The following TBCK variants were observed in gnomAD, a reference collection of about 807,000 sequenced individuals.
TBCK encodes TBC domain-containing protein kinase-like protein.
TBCK carries 99 observed loss-of-function variants against 113.4 expected under a neutral mutation model. The ratio of observed to expected loss-of-function variants is 0.87; its 90% confidence interval spans 0.74 to 1.03. The LOEUF (loss-of-function observed/expected upper bound fraction) is 1.03, where lower values mean the gene tolerates loss of function less well. Among genes scored for constraint, TBCK ranks in the 50% least tolerant of loss-of-function variants. TBCK has a pLI of 0.00. For synonymous variants in TBCK, 369 were observed against 370.8 expected, an observed-to-expected ratio of 1.00 and a Z score of 0.05; for missense variants, 1,045 against 1,061.3, an observed-to-expected ratio of 0.98 and a Z score of 0.21.
chr4:106,079,822 C>A (rs938460183), intron 25 of TBCK, among the ~76,000 whole-genome samples: 4 of 152,130 alleles, frequency 2.6e-5, no homozygotes, highest in African/African-American at 9.7e-5. Flanking sequence ...GCTGAGGAAG[C>A]TTCAGGAAAT....
chr4:106,080,587 A>C (rs1738733576), intron 25 of TBCK, among the ~76,000 whole-genome samples: 1 of 152,202 alleles, frequency 6.6e-6, no homozygotes, highest in African/African-American at 2.4e-5. Context: ...AAACCTTGGC[A>C]ATACCATTCT....
At chr4:106,236,717 TA>T in intron 13 of TBCK, 41 bp downstream of exon 13, 1 of 1,199,992 alleles carries the variant, frequency 8.3e-7, no homozygotes, top group Non-Finnish European at 1.1e-6. Flanking sequence ...CTAATATAAA[TA>T]GAAAGAAAAA....
chr4:106,270,053 T>C (rs866694191), intron 3 of TBCK, among the ~76,000 whole-genome samples: 2 of 152,122 alleles, frequency 1.3e-5, no homozygotes, highest in Non-Finnish European at 2.9e-5. Context: ...CTATCGGCCC[T>C]GCACAGAATC....
At chr4:106,272,094 G>A (rs1763549637) in intron 3 of TBCK, among the ~76,000 whole-genome samples, 1 of 152,102 alleles carries the variant, frequency 6.6e-6, no homozygotes, top group African/African-American at 2.4e-5. Flanking sequence ...CAGGTATACA[G>A]GAAGGTATAG....
chr4:106,216,568 A>T (rs1287561874), intron 19 of TBCK, among the ~76,000 whole-genome samples: 1 of 152,184 alleles, frequency 6.6e-6, no homozygotes, highest in Admixed American at 6.5e-5. Context: ...ACAAACTACC[A>T]TCAGAGAATA....
intron 23 of TBCK, among the ~76,000 whole-genome samples, chr4:106,157,035 C>T (rs1309233361): frequency 5.9e-5 from 9 of 152,158 alleles, no homozygotes; most frequent in African/African-American, 2.2e-4. Flanking sequence ...TTATTCAGGG[C>T]CCAAGGGCAC....
Position 106,307,017 on chromosome 4 carries a change from TC to T in TBCK, c.193+1750del, listed in dbSNP as rs78631459. ...AATTAACTTTTTTTACCACTCTCTT[TC>T]CCAAATCTCTCACGAAGCCTCCTGA... On this transcript the variant is annotated intron_variant, in intron 2 of 25. Transcript: ENST00000394708. Among the ~76,000 whole-genome samples the T allele has an allele frequency of 1.8e-4, 27 of 152,318 alleles. 1 individual carries two copies. The East Asian group carries it at 5.2e-3, about 29-fold the overall frequency.
At chr4:106,266,013 G>A (rs1180022966) in intron 3 of TBCK, among the ~76,000 whole-genome samples, 1 of 151,638 alleles carries the variant, frequency 6.6e-6, no homozygotes, top group Non-Finnish European at 1.5e-5. Flanking sequence ...TAAACAAATA[G>A]GGAATGTGTG....
rs1000486743 is a variant in TBCK, at chr4:106,127,290, A to G, written c.2236-10912T>C. On this transcript the variant is annotated intron_variant, in intron 23 of 25. Coordinates refer to ENST00000394708, the MANE Select transcript of TBCK (RefSeq NM_001163435.3). ...AAAAAATCCTAAACCATCTTTAGGAAAATAGGCAAAATAATTTAATAAATA... is the reference window on the plus strand; with the variant it reads ...AAAAAATCCTAAACCATCTTTAGGAGAATAGGCAAAATAATTTAATAAATA... Among the ~76,000 whole-genome samples the G allele has an allele frequency of 2.6e-5, 4 of 152,046 alleles. No homozygotes were observed. In the South Asian group the frequency reaches 8.3e-4, roughly 32 times the overall value.
intron 23 of TBCK, among the ~76,000 whole-genome samples, chr4:106,158,157 A>T (rs1470583023): frequency 6.6e-6 from 1 of 152,168 alleles, no homozygotes; most frequent in Non-Finnish European, 1.5e-5. Context: ...TAATAATAAG[A>T]GTCTTGGTAA....
chr4:106,082,538 A>G (rs1239837686), intron 25 of TBCK, among the ~76,000 whole-genome samples: 1 of 152,174 alleles, frequency 6.6e-6, no homozygotes, highest in African/African-American at 2.4e-5. Flanking sequence ...AAGGATCAGC[A>G]ACATAAAATT....
At chr4:106,173,733 C>T (rs560441347) in intron 22 of TBCK, among the ~76,000 whole-genome samples, 1 of 152,218 alleles carries the variant, frequency 6.6e-6, no homozygotes, top group East Asian at 1.9e-4. Flanking sequence ...TGTCACCTCT[C>T]ATCTCAAAAC....
intron 24 of TBCK, 135 bp downstream of exon 24, chr4:106,116,068 A>G (rs1002009805): frequency 8.0e-6 from 6 of 745,446 alleles, no homozygotes; most frequent in African/African-American, 7.0e-5. Flanking sequence ...TCTGGCATCC[A>G]GTTTGAGAGT....
chr4:106,242,216 G>T (rs951324251), intron 12 of TBCK, among the ~76,000 whole-genome samples: 1 of 152,054 alleles, frequency 6.6e-6, no homozygotes, highest in Non-Finnish European at 1.5e-5. Context: ...AAAAGAAAGT[G>T]TTACCAGGTA....
chr4:106,045,835 G>C lies in TBCK; in HGVS notation c.*735C>G, dbSNP rs930165021. ...TGAGGTTTGTAAAGCAATGAGAGAA[G>C]GTAATGAGTTCTTAATGATCAGGAA... On this transcript the variant is annotated 3_prime_UTR_variant, in exon 26 of 26. Coordinates refer to ENST00000394708, the MANE Select transcript of TBCK (RefSeq NM_001163435.3). 2.0e-5 allele frequency: 3 copies of C among 152,174 alleles called. No homozygotes were observed. The highest frequency in any genetic ancestry group is 7.2e-5 in the African/African-American group (3 of 41,432). The allele number at this position is 152,174 out of a possible 1,614,324, so 9.4% of individuals were successfully genotyped here. A position where few individuals can be genotyped will look rare whatever the true frequency, so the allele number is the denominator to read the frequency against.
At chr4:106,299,938 T>C (rs751911658) in intron 2 of TBCK, among the ~76,000 whole-genome samples, 1 of 152,192 alleles carries the variant, frequency 6.6e-6, no homozygotes, top group African/African-American at 2.4e-5. Context: ...CTGTGTGTTT[T>C]AGGTTTGACA....
At chr4:106,290,326 T>A (rs188231516) in intron 3 of TBCK, among the ~76,000 whole-genome samples, 1 of 151,972 alleles carries the variant, frequency 6.6e-6, no homozygotes, top group South Asian at 2.1e-4. Flanking sequence ...TACAGGCGCC[T>A]GCCACCACGC....
At chr4:106,263,637 T>C (rs1762709231) in intron 3 of TBCK, among the ~76,000 whole-genome samples, 1 of 151,886 alleles carries the variant, frequency 6.6e-6, no homozygotes, top group Non-Finnish European at 1.5e-5. Context: ...ACAGGGTAAA[T>C]GTTAAGGTAT....
At chr4:106,242,407 T>A in intron 12 of TBCK, 63 bp downstream of exon 12, 9 of 1,230,936 alleles carry the variant, frequency 7.3e-6, no homozygotes, top group Non-Finnish European at 4.5e-6. Context: ...ATTTCTTGTG[T>A]ATCTGTAAGG....
Sources: gnomAD v4.1 joint callset for allele counts (sites outside exome capture counted in the v4.1 genomes callset) on GRCh38, gnomAD v4.1.1 for gene constraint, MANE v1.5 for transcripts, NCBI Gene and HGNC (gene_info 2026-07-23, HGNC 2026-07-21) for gene names.